The following PPP1R21 variants were observed in gnomAD, a reference collection of about 807,000 sequenced individuals.
The protein encoded by PPP1R21 is protein phosphatase 1 regulatory subunit 21.
A neutral mutation model predicts 112.8 loss-of-function variants in PPP1R21; 85 were observed. The ratio of observed to expected loss-of-function variants is 0.75; its 90% CI spans 0.63 to 0.90. The LOEUF is 0.90. Among genes scored for constraint, PPP1R21 ranks in the 40% least tolerant of loss-of-function variants. The pLI is 0.00. For synonymous variants in PPP1R21, 381 were observed against 322.3 expected (o/e 1.18, Z -1.95); for missense variants, 1,199 against 901.5 (o/e 1.33, Z -4.23).
In PPP1R21 at chr2:48,505,605, T is replaced by A. The variant is rs773945765; in HGVS notation, c.1968+9T>A. 1 of 1,546,534 alleles carries A rather than the reference T, an allele frequency of 6.5e-7. No individual in the cohort carries two copies. Reference sequence around the variant, plus strand: ...GGACATCTGACAGTGAGGTAACATGTGCTTGTCATCATGTTGTTTGTTAGT... The same window carrying A: ...GGACATCTGACAGTGAGGTAACATGAGCTTGTCATCATGTTGTTTGTTAGT... On this transcript the variant is annotated intron_variant, in intron 18 of 21. Coordinates refer to ENST00000294952, the MANE Select transcript of PPP1R21 (RefSeq NM_001135629.3).
chr2:48,481,743 A>G (rs1163664185), intron 13 of PPP1R21, among the ~76,000 whole-genome samples: 1 of 152,172 alleles, frequency 6.6e-6, no homozygotes, highest in African/African-American at 2.4e-5. Context: ...AAAAAAAAAT[A>G]AATTTTCTTA....
intron 14 of PPP1R21, among the ~76,000 whole-genome samples, chr2:48,489,540 C>T (rs1669461745): frequency 6.6e-6 from 1 of 150,668 alleles, no homozygotes; most frequent in African/African-American, 2.4e-5. Context: ...GAGGTCTTGC[C>T]ATATCGCCCA....
chr2:48,457,389 A>G (rs1036185942), intron 3 of PPP1R21, among the ~76,000 whole-genome samples: 2 of 152,196 alleles, frequency 1.3e-5, no homozygotes, highest in African/African-American at 4.8e-5. Context: ...TTTAAGTGAG[A>G]AGTGAGACTA....
At chr2:48,479,432 A>G in intron 12 of PPP1R21, 1 of 470,186 alleles carries the variant, frequency 2.1e-6, no homozygotes, top group Non-Finnish European at 4.4e-6. Flanking sequence ...TGTTGCCCTT[A>G]GAACCGTCTC....
intron 14 of PPP1R21, among the ~76,000 whole-genome samples, chr2:48,489,767 T>G (rs979744430): frequency 1.3e-5 from 2 of 151,330 alleles, no homozygotes; most frequent in African/African-American, 2.4e-5. Flanking sequence ...AAAATTAGGC[T>G]GGGTGTGGTG....
intron 21 of PPP1R21, among the ~76,000 whole-genome samples, chr2:48,513,373 T>G (rs1480870876): frequency 6.8e-6 from 1 of 147,600 alleles, no homozygotes; most frequent in Non-Finnish European, 1.5e-5. Flanking sequence ...CCCGGCTAAT[T>G]TTTTTTTTTT....
At chr2:48,502,464 A>G (rs139141569) in intron 17 of PPP1R21, among the ~76,000 whole-genome samples, 50 of 151,310 alleles carry the variant, frequency 3.3e-4, no homozygotes, top group African/African-American at 1.2e-3. Context: ...TTTTACCCCC[A>G]TGCCCTTTAA....
chr2:48,441,331 G>A, intron 1 of PPP1R21: 1 of 437,038 alleles, frequency 2.3e-6, no homozygotes, highest in East Asian at 5.4e-5. Context: ...AGAAGGGAAG[G>A]GAAAGGTGTG....
chr2:48,477,604 A>G (rs762201446), intron 12 of PPP1R21, among the ~76,000 whole-genome samples: 1 of 151,706 alleles, frequency 6.6e-6, no homozygotes, highest in Non-Finnish European at 1.5e-5. Flanking sequence ...CACCAGTACC[A>G]TAATATCTTG....
At chr2:48,474,266 C>T (rs950772743) in intron 11 of PPP1R21, among the ~76,000 whole-genome samples, 10 of 152,142 alleles carry the variant, frequency 6.6e-5, no homozygotes, top group Non-Finnish European at 1.5e-4. Context: ...GCCTGTAATC[C>T]CAGCAACTCA....
chr2:48,483,790 C>T (rs1669145208), intron 13 of PPP1R21, among the ~76,000 whole-genome samples: 1 of 152,030 alleles, frequency 6.6e-6, no homozygotes. Context: ...TCTGACTAAC[C>T]CTGAGTCTGG....
At chr2:48,466,251 G>A (rs548997098) in intron 9 of PPP1R21, among the ~76,000 whole-genome samples, 1 of 150,796 alleles carries the variant, frequency 6.6e-6, no homozygotes, top group Non-Finnish European at 1.5e-5. Flanking sequence ...TCGCTCTGTT[G>A]CCCAGGTTGG....
intron 15 of PPP1R21, 82 bp from the exon 16 acceptor site, chr2:48,495,597 T>G: frequency 1.3e-6 from 1 of 749,640 alleles, no homozygotes; most frequent in Non-Finnish European, 2.4e-6. Context: ...CACACCTCGT[T>G]TAGCATTCTT....
At chr2:48,453,967 A>G (rs1667596625) in intron 2 of PPP1R21, among the ~76,000 whole-genome samples, 1 of 152,102 alleles carries the variant, frequency 6.6e-6, no homozygotes, top group African/African-American at 2.4e-5. Context: ...CTTTTTAAAT[A>G]TCTAAGTTTG....
rs979350330 is a variant in PPP1R21 at position 48,474,615 on chromosome 2, G to A, written c.1089-68G>A. On this transcript the variant is annotated intron_variant, in intron 11 of 21. Transcript: ENST00000294952. Reference sequence around the variant, plus strand: ...TTGGATATAGTTGTTTGAGAACTTGGTTGGCTGCTAGTAGCTAATTGAAAA... The same window carrying A: ...TTGGATATAGTTGTTTGAGAACTTGATTGGCTGCTAGTAGCTAATTGAAAA... The A allele has an allele frequency of 2.8e-6, 4 of 1,407,398 alleles. No individual in the cohort carries two copies. The African/African-American group carries it at 4.3e-5, about 15-fold the overall frequency. 87.2% of individuals were successfully genotyped at this position (1,407,398 alleles called of 1,614,324 possible). A position where few individuals can be genotyped will look rare whatever the true frequency, so the allele number is the denominator to read the frequency against.
In PPP1R21 at chr2:48,440,977, G is replaced by T. The variant is rs1666998490; in HGVS notation, c.24G>T (p.Gly8=). 1 of 1,612,042 alleles carries T rather than the reference G, an allele frequency of 6.2e-7. No homozygotes were observed. The highest frequency in any genetic ancestry group is 8.5e-7 in the Non-Finnish European group (1 of 1,178,760). The change falls in exon 1 of 22, where the codon GGG becomes GGT. Residue 8 remains glycine, a synonymous_variant. Transcript: ENST00000294952. MASAELQ[G]KYQKLAQEYS... The stretch of plus-strand genomic sequence containing the variant: ...CCATGGCCTCGGCTGAGTTGCAGGG[G>T]AAGTACCAGAAGCTGGCTCAGGAGT...
rs34664331 is a variant in PPP1R21 at position 48,440,812 on chromosome 2, C to CGCGGCGGCG, written c.-127_-119dup. Reference sequence around the variant, plus strand: ...GGGAACCCGGAAGTGGAGGAGGAGGCGCGGCGGCGGCGGCGGCGGCGGCTG... The same window carrying CGCGGCGGCG: ...GGGAACCCGGAAGTGGAGGAGGAGGCGCGGCGGCGGCGGCGGCGGCGGCGGCGGCGGCTG... On this transcript the variant is annotated 5_prime_UTR_variant, in exon 1 of 22. Coordinates refer to ENST00000294952, the MANE Select transcript of PPP1R21 (RefSeq NM_001135629.3). 2,443 of 626,722 alleles carry CGCGGCGGCG rather than the reference C, an allele frequency of 3.9e-3. 13 individuals are homozygous for CGCGGCGGCG. The highest frequency in any genetic ancestry group is 0.018 in the East Asian group (531 of 30,342). 38.8% of individuals were successfully genotyped at this position (626,722 alleles called of 1,614,324 possible). A position where few individuals can be genotyped will look rare whatever the true frequency, so the allele number is the denominator to read the frequency against.
chr2:48,488,675 G>A (rs1337126646), intron 14 of PPP1R21, among the ~76,000 whole-genome samples: 5 of 152,132 alleles, frequency 3.3e-5, no homozygotes, highest in Non-Finnish European at 7.4e-5. Flanking sequence ...ACCGTAAAAT[G>A]TCATCTCAAG....
chr2:48,510,022 C>G lies in PPP1R21; in HGVS notation c.2093C>G (p.Ala698Gly), dbSNP rs1318104001. 1.9e-6 allele frequency: 3 copies of G among 1,612,032 alleles called. No individual in the cohort carries two copies. The Admixed American group carries it at 5.0e-5, about 27-fold the overall frequency. ...KSVHFYAECR[A>G]LSKRLALAEK... ...TGTTTTCTGATTTTACAGTGCCGAG[C>G]ACTGTCTAAAAGACTGGCCTTGGCT... The change falls in exon 20 of 22, where the codon GCA becomes GGA. Residue 698 changes from alanine (A) to glycine (G), a missense_variant. Ala to Gly is a moderately conservative substitution (Grantham distance 60, BLOSUM62 0). Transcript: ENST00000294952.
Sources: gnomAD v4.1 joint callset for allele counts (sites outside exome capture counted in the v4.1 genomes callset) on GRCh38, gnomAD v4.1.1 for gene constraint, MANE v1.5 for transcripts, NCBI Gene and HGNC (gene_info 2026-07-23, HGNC 2026-07-21) for gene names.